KIRREL1: variants seen among roughly 807,000 people sequenced by gnomAD.
The protein encoded by KIRREL1 is kirre like nephrin family adhesion molecule 1, also known as kin of IRRE-like protein 1.
KIRREL1 carries 25 observed loss-of-function variants against 83.3 expected under a neutral mutation model. The observed-to-expected ratio is 0.30, with a 90% CI of 0.22 to 0.42. The LOEUF (loss-of-function observed/expected upper bound fraction) is 0.42. Among genes scored for constraint, KIRREL1 ranks in the 10% least tolerant of loss-of-function variants. KIRREL1 has a pLI of 1.00. For missense variants in KIRREL1, 812 were observed against 1,032.3 expected (o/e 0.79, Z 2.92); for synonymous variants, 388 against 410.4 (o/e 0.95, Z 0.66).
Position 158,093,714 on chromosome 1 carries a change from C to T in KIRREL1, c.1671C>T (p.Asp557=), listed in dbSNP as rs1662269140. ...PLTMHSDRED[D]TASVSTATRV... is the part of the protein sequence containing the mutation. Reference sequence around the variant, plus strand: ...CGATGCATTCTGACCGGGAGGATGACACCGCCAGCGTCTCCACAGCAACCC... The same window carrying T: ...CGATGCATTCTGACCGGGAGGATGATACCGCCAGCGTCTCCACAGCAACCC... Residue 557 remains aspartate (D), a synonymous_variant, in exon 13 of 15, where the codon GAC becomes GAT. Coordinates refer to ENST00000359209, the MANE Select transcript of KIRREL1 (RefSeq NM_018240.7). 1 of 1,614,206 alleles carries T rather than the reference C, an allele frequency of 6.2e-7. No individual in the cohort carries two copies.
intron 1 of KIRREL1, among the ~76,000 whole-genome samples, chr1:158,065,046 G>A (rs1395772794): frequency 6.6e-6 from 1 of 151,622 alleles, no homozygotes. Context: ...AAACAGAGAG[G>A]GGTCCTTCAG....
intron 1 of KIRREL1, among the ~76,000 whole-genome samples, chr1:157,997,191 G>A (rs1659229835): frequency 6.6e-6 from 1 of 152,196 alleles, no homozygotes; most frequent in Non-Finnish European, 1.5e-5. Context: ...CTCGCATCCA[G>A]CTCCCACCTC....
chr1:158,002,486 G>A (rs1198027937), intron 1 of KIRREL1, among the ~76,000 whole-genome samples: 1 of 152,198 alleles, frequency 6.6e-6, no homozygotes, highest in East Asian at 1.9e-4. Flanking sequence ...TTCAAATGGA[G>A]TCCTTTGAAG....
chr1:158,018,363 G>A (rs1659896793), intron 1 of KIRREL1, among the ~76,000 whole-genome samples: 2 of 152,116 alleles, frequency 1.3e-5, no homozygotes, highest in African/African-American at 4.8e-5. Context: ...GGGAAGGGCT[G>A]TGGGAACTGA....
chr1:158,058,044 G>A (rs1028881901), intron 1 of KIRREL1, among the ~76,000 whole-genome samples: 20 of 152,218 alleles, frequency 1.3e-4, no homozygotes, highest in Admixed American at 1.3e-4. Flanking sequence ...GGGGGCTTGC[G>A]ATTTTCTGGA....
intron 4 of KIRREL1, among the ~76,000 whole-genome samples, chr1:158,085,064 G>A (rs557611346): frequency 6.6e-5 from 10 of 152,294 alleles, no homozygotes; most frequent in Admixed American, 2.6e-4. Flanking sequence ...TTCCTTCAGC[G>A]TCTGGTTGTC....
intron 4 of KIRREL1, among the ~76,000 whole-genome samples, chr1:158,085,471 A>G (rs1273309616): frequency 6.6e-6 from 1 of 152,226 alleles, no homozygotes; most frequent in East Asian, 1.9e-4. Flanking sequence ...CCTCAGTGGT[A>G]CTTAACCTTT....
Position 158,096,399 on chromosome 1 carries a change from C to T in KIRREL1, c.*1279C>T. On this transcript the variant is annotated 3_prime_UTR_variant, in exon 15 of 15. Coordinates refer to ENST00000359209, the MANE Select transcript of KIRREL1 (RefSeq NM_018240.7). ...TTTTTTTTCTTGGACCAATCAGATT[C>T]CTTCTTCCACTTTCAGTGCCTTGAG... is the stretch of plus-strand genomic sequence containing the variant. 4 of 348,382 alleles carry T rather than the reference C, an allele frequency of 1.1e-5. No individual in the cohort carries two copies. The highest frequency in any genetic ancestry group is 2.3e-5 in the Non-Finnish European group (4 of 176,218). The allele number at this position is 348,382 out of a possible 1,614,324, so 21.6% of individuals were successfully genotyped here. A position where few individuals can be genotyped will look rare whatever the true frequency, so the allele number is the denominator to read the frequency against.
intron 1 of KIRREL1, among the ~76,000 whole-genome samples, chr1:158,046,635 A>G (rs1660785817): frequency 6.6e-6 from 1 of 151,944 alleles, no homozygotes; most frequent in African/African-American, 2.4e-5. Context: ...CAGGCAAGAG[A>G]GGAGGAGGAA....
chr1:158,047,206 C>T (rs1660800484), intron 1 of KIRREL1, among the ~76,000 whole-genome samples: 1 of 152,226 alleles, frequency 6.6e-6, no homozygotes, highest in Non-Finnish European at 1.5e-5. Flanking sequence ...TGTATTTGCT[C>T]ATTCAGGAAG....
intron 1 of KIRREL1, among the ~76,000 whole-genome samples, chr1:158,060,844 G>A (rs1007069963): frequency 3.9e-5 from 6 of 152,160 alleles, no homozygotes; most frequent in Non-Finnish European, 7.3e-5. Context: ...GCATGACTCC[G>A]GTGCCGTCTC....
intron 1 of KIRREL1, among the ~76,000 whole-genome samples, chr1:158,029,412 C>T (rs559207927): frequency 7.0e-6 from 1 of 142,068 alleles, no homozygotes; most frequent in African/African-American, 2.6e-5. Context: ...CATATATGCA[C>T]GTATGTATAA....
At chr1:158,006,223 A>G (rs1659516639) in intron 1 of KIRREL1, among the ~76,000 whole-genome samples, 1 of 152,236 alleles carries the variant, frequency 6.6e-6, no homozygotes, top group South Asian at 2.1e-4. Context: ...ACCCAGAGAC[A>G]TCAATGTTTG....
chr1:158,011,802 A>G (rs73018967), intron 1 of KIRREL1, among the ~76,000 whole-genome samples: 5,940 of 152,292 alleles, frequency 0.039, 125 homozygotes, highest in Non-Finnish European at 0.052. Context: ...GAGGAGAAGC[A>G]GGAGGCCAGG....
At chr1:158,083,915 G>A (rs1558015218) in intron 3 of KIRREL1, among the ~76,000 whole-genome samples, 1 of 152,094 alleles carries the variant, frequency 6.6e-6, no homozygotes, top group Non-Finnish European at 1.5e-5. Context: ...CACCTGAGAG[G>A]TCAGGAGTTC....
chr1:158,081,794 TGGCAGA>T (rs1057338631), intron 3 of KIRREL1, among the ~76,000 whole-genome samples: 1 of 152,192 alleles, frequency 6.6e-6, no homozygotes, highest in Non-Finnish European at 1.5e-5. Context: ...GGTAGACTGC[TGGCAGA>T]GGTGACAGAT....
intron 1 of KIRREL1, among the ~76,000 whole-genome samples, chr1:158,049,725 C>T (rs188665054): frequency 2.0e-4 from 31 of 152,122 alleles, no homozygotes; most frequent in African/African-American, 6.5e-4. Context: ...TTAAGCAAAG[C>T]GACAGGGTGG....
At chr1:158,034,495 C>T (rs1660422857) in intron 1 of KIRREL1, among the ~76,000 whole-genome samples, 3 of 152,042 alleles carry the variant, frequency 2.0e-5, no homozygotes, top group African/African-American at 7.3e-5. Flanking sequence ...TATCCAGTTA[C>T]CTGGACCTTT....
chr1:158,012,105 A>T (rs1327530344), intron 1 of KIRREL1, among the ~76,000 whole-genome samples: 1 of 152,072 alleles, frequency 6.6e-6, no homozygotes, highest in African/African-American at 2.4e-5. Context: ...CCCCAATAAG[A>T]TTAAAAAATG....
Sources: gnomAD v4.1 joint callset for allele counts (sites outside exome capture counted in the v4.1 genomes callset) on GRCh38, gnomAD v4.1.1 for gene constraint, MANE v1.5 for transcripts, NCBI Gene and HGNC (gene_info 2026-07-23, HGNC 2026-07-21) for gene names.